Variants in CDKN1A observed in about 807,000 individuals in gnomAD.
The protein encoded by CDKN1A is cyclin-dependent kinase inhibitor 1.
CDKN1A carries 14 observed loss-of-function variants against 14.8 expected under a neutral mutation model. The ratio of observed to expected loss-of-function variants is 0.94; its 90% confidence interval spans 0.62 to 1.48. The LOEUF (loss-of-function observed/expected upper bound fraction) is 1.48, where lower values mean the gene tolerates loss of function less well. CDKN1A is among the 40% of genes most tolerant of loss of function. The pLI, the probability that CDKN1A is intolerant of heterozygous loss-of-function variation, is 0.00. For synonymous variants in CDKN1A, 92 were observed against 93.5 expected (o/e 0.98, Z 0.09); for missense variants, 203 against 231.7 (o/e 0.88, Z 0.80).
In CDKN1A at chr6:36,687,129, C is replaced by G; in HGVS notation, c.*1329C>G. ...GTACTTGGAGTATTGGGGTCTGACC[C>G]CAAACACCTTCCAGCTCCTGTAACA... On this transcript the variant is annotated 3_prime_UTR_variant, in exon 3 of 3. Transcript: ENST00000244741. 1 of 233,226 alleles carries G rather than the reference C, an allele frequency of 4.3e-6. No homozygotes were observed. Among genetic ancestry groups the G allele is most frequent in the Middle Eastern group, 1.3e-3 (1 of 788 alleles). The allele number at this position is 233,226 out of a possible 1,614,324, so 14.4% of individuals were successfully genotyped here. A position where few individuals can be genotyped will look rare whatever the true frequency, so the allele number is the denominator to read the frequency against.
rs1277652834 is a variant in CDKN1A at position 36,681,331 on chromosome 6, T to TC, written c.-6+2534dup. On this transcript the variant is annotated intron_variant, in intron 1 of 2. Transcript: ENST00000244741. ...TTCTTTCTTTCTTTCTTTCTTTCTT[T>TC]CTTTTTCTTTCTTTCTTTCTTTTTC... Among the ~76,000 whole-genome samples the TC allele has an allele frequency of 1.4e-3, 143 of 104,122 alleles. 1 individual carries two copies. Among genetic ancestry groups the TC allele is most frequent in the African/African-American group, 4.4e-3 (125 of 28,418 alleles). The allele number at this position is 104,122 out of a possible 152,430, so 68.3% of individuals were successfully genotyped here.
chr6:36,681,349 TC>T (rs1445091508), intron 1 of CDKN1A, among the ~76,000 whole-genome samples: 8 of 123,484 alleles, frequency 6.5e-5, no homozygotes, highest in African/African-American at 2.5e-4. Flanking sequence ...TTTCTTTCTT[TC>T]TTTTTCTTTC....
chr6:36,683,575 C>T lies in CDKN1A; in HGVS notation c.-5-522C>T, dbSNP rs372857494. ...CCGGGTGCTTTTTGCCCCAAAGTCC[C>T]GGGTACTTTTACTTGGCAGAGCAGG... On this transcript the variant is annotated intron_variant, in intron 1 of 2. Coordinates refer to ENST00000244741, the MANE Select transcript of CDKN1A (RefSeq NM_000389.5). 1.1e-4 allele frequency among the ~76,000 whole-genome samples: 17 copies of T among 152,298 alleles called. No homozygotes were observed. The East Asian group carries it at 1.2e-3, about 10-fold the overall frequency.
At chr6:36,681,408 C>T (rs200148482) in intron 1 of CDKN1A, among the ~76,000 whole-genome samples, 13,226 of 66,200 alleles carry the variant, frequency 0.2, 1,506 homozygotes, top group East Asian at 0.35. Context: ...TTTCTTTCTT[C>T]CTTTCTCTTT....
Position 36,686,347 on chromosome 6 carries a change from G to A in CDKN1A, c.*547G>A, listed in dbSNP as rs572991639. 8.6e-5 allele frequency: 24 copies of A among 278,430 alleles called. No individual in the cohort carries two copies. In the East Asian group the frequency reaches 1.3e-3, roughly 15 times the overall value. The allele number at this position is 278,430 out of a possible 1,614,324, so 17.2% of individuals were successfully genotyped here. On this transcript the variant is annotated 3_prime_UTR_variant, in exon 3 of 3. Transcript: ENST00000244741. This position sits in a 1 kb window ranked among gnomAD's most constrained non-coding sequence, Gnocchi z 4.9. ...CTCACCTCCTCTAAGGTTGGGCAGG[G>A]TGACCCTGAAGTGAGCACAGCCTAG...
upstream of CDKN1A, among the ~76,000 whole-genome samples, chr6:36,677,449 A>T (rs1024154742): frequency 1.3e-5 from 2 of 152,134 alleles, no homozygotes; most frequent in East Asian, 3.9e-4. Flanking sequence ...GTTCAGATGA[A>T]CAATCCATCC....
intron 1 of CDKN1A, among the ~76,000 whole-genome samples, chr6:36,681,334 T>TTCGTTCTTTCTC (rs780161958): frequency 1.2e-5 from 1 of 86,058 alleles, no homozygotes; most frequent in Non-Finnish European, 2.5e-5. Context: ...CTTTCTTTCT[T>TTCGTTCTTTCTC]TTTCTTTCTT....
intron 1 of CDKN1A, among the ~76,000 whole-genome samples, chr6:36,681,361 T>TTC (rs1761974871): frequency 5.4e-5 from 3 of 55,878 alleles, no homozygotes; most frequent in Admixed American, 2.1e-4. Flanking sequence ...TTTTTCTTTC[T>TTC]TTTCTTTCTT....
chr6:36,686,618 C>G lies in CDKN1A; in HGVS notation c.*818C>G, dbSNP rs1762216324. On this transcript the variant is annotated 3_prime_UTR_variant, in exon 3 of 3. Coordinates refer to ENST00000244741, the MANE Select transcript of CDKN1A (RefSeq NM_000389.5). The surrounding 1 kb of genome is among the most constrained non-coding windows in gnomAD (Gnocchi z 4.9). Reference sequence around the variant, plus strand: ...CAATTCCCCTCTGCTGCTGTCCCTCCCCCTTGTCCTTTCCCTTCAGTACCC... The same window carrying G: ...CAATTCCCCTCTGCTGCTGTCCCTCGCCCTTGTCCTTTCCCTTCAGTACCC... 1 of 233,972 alleles carries G rather than the reference C, an allele frequency of 4.3e-6. No homozygotes were observed. The highest frequency in any genetic ancestry group is 6.0e-5 in the East Asian group (1 of 16,616). The allele number at this position is 233,972 out of a possible 1,614,324, so 14.5% of individuals were successfully genotyped here.
intron 1 of CDKN1A, among the ~76,000 whole-genome samples, chr6:36,681,360 C>T (rs1447543829): frequency 1.2e-4 from 6 of 50,124 alleles, no homozygotes; most frequent in Admixed American, 2.4e-4. Context: ...CTTTTTCTTT[C>T]TTTTCTTTCT....
At chr6:36,679,011 A>C (rs3176320) in intron 1 of CDKN1A, 1 of 979,026 alleles carries the variant, frequency 1.0e-6, no homozygotes, top group Non-Finnish European at 1.2e-6. Context: ...GGGTGACGAG[A>C]GTCGGGATGT....
At chr6:36,677,838 T>C, upstream of CDKN1A, 1 of 1,360,158 alleles carries the variant, frequency 7.4e-7, no homozygotes, top group African/African-American at 1.4e-5. Context: ...ATACGGGCTA[T>C]GTGGGGAGTA....
rs11550973 is a variant in CDKN1A at position 36,687,187 on chromosome 6, A to G, written c.*1387A>G. 2,220 of 233,184 alleles carry G rather than the reference A, an allele frequency of 9.5e-3. 16 individuals carry two copies. Among genetic ancestry groups the G allele is most frequent in the Non-Finnish European group, 0.016 (1,848 of 118,076 alleles). 14.4% of individuals were successfully genotyped at this position (233,184 alleles called of 1,614,324 possible). A position where few individuals can be genotyped will look rare whatever the true frequency, so the allele number is the denominator to read the frequency against. Reference sequence around the variant, plus strand: ...CTGGACTGTTTTCTCTCGGCTCCCCATGTGTCCTGGTTCCCGTTTCTCCAC... The same window carrying G: ...CTGGACTGTTTTCTCTCGGCTCCCCGTGTGTCCTGGTTCCCGTTTCTCCAC... On this transcript the variant is annotated 3_prime_UTR_variant, in exon 3 of 3. Transcript: ENST00000244741.
chr6:36,681,361 TTTTCTTTCTTTCTTTCTTTC>T (rs377657015), intron 1 of CDKN1A, among the ~76,000 whole-genome samples: 1 of 55,876 alleles, frequency 1.8e-5, no homozygotes, highest in Non-Finnish European at 3.5e-5. Context: ...TTTTTCTTTC[TTTTCTTTCTTTCTTTCTTTC>T]TTTCTTTCTT....
At chr6:36,678,693 C>A (rs1304101473), upstream of CDKN1A, 1 of 985,306 alleles carries the variant, frequency 1.0e-6, no homozygotes, top group African/African-American at 1.7e-5. This position sits in a 1 kb window ranked among gnomAD's most constrained non-coding sequence, Gnocchi z 5.7. Flanking sequence ...TATATCAGGG[C>A]CGCGCTGAGC....
intron 1 of CDKN1A, among the ~76,000 whole-genome samples, chr6:36,681,278 T>TTCTTTCTTTC (rs1562037958): frequency 1.1e-5 from 1 of 92,456 alleles, no homozygotes; most frequent in Non-Finnish European, 2.3e-5. Context: ...CTTTCTTTCT[T>TTCTTTCTTTC]TTTTTCTTTC....
At position 36,678,833 on chromosome 6, in the gene CDKN1A, G is replaced by A. The variant is rs912094234; in HGVS notation, c.-6+35G>A. ...CGGCGGCAGACAACAGGGGACCCCG[G>A]GCCGGCGGCCCAGAGCCGAGCCAAG... is the stretch of plus-strand genomic sequence containing the variant. On this transcript the variant is annotated intron_variant, in intron 1 of 2. Transcript: ENST00000244741. This position sits in a 1 kb window ranked among gnomAD's most constrained non-coding sequence, Gnocchi z 5.7. 2 of 985,802 alleles carry A rather than the reference G, an allele frequency of 2.0e-6. No homozygotes were observed. Among genetic ancestry groups the A allele is most frequent in the Non-Finnish European group, 2.4e-6 (2 of 830,192 alleles). 61.1% of individuals were successfully genotyped at this position (985,802 alleles called of 1,614,324 possible).
In CDKN1A at chr6:36,687,110, G is replaced by A. The variant is rs1200644254; in HGVS notation, c.*1310G>A. The A allele has an allele frequency of 8.6e-6, 2 of 233,100 alleles. No homozygotes were observed. Among genetic ancestry groups the A allele is most frequent in the East Asian group, 1.2e-4 (2 of 16,590 alleles). 14.4% of individuals were successfully genotyped at this position (233,100 alleles called of 1,614,324 possible). A position where few individuals can be genotyped will look rare whatever the true frequency, so the allele number is the denominator to read the frequency against. On this transcript the variant is annotated 3_prime_UTR_variant, in exon 3 of 3. Coordinates refer to ENST00000244741, the MANE Select transcript of CDKN1A (RefSeq NM_000389.5). ...AGGCACTGAAGTGCTTAGTGTACTTGGAGTATTGGGGTCTGACCCCAAACA... is the reference window on the plus strand; with the variant it reads ...AGGCACTGAAGTGCTTAGTGTACTTAGAGTATTGGGGTCTGACCCCAAACA...
chr6:36,687,014 AG>A lies in CDKN1A; in HGVS notation c.*1217del. ...GATGGTGGCAGTAGAGGCTATGGAC[AG>A]GGCATGCCACGTGGGCTCATATGGG... On this transcript the variant is annotated 3_prime_UTR_variant, in exon 3 of 3. Transcript: ENST00000244741. 4.3e-6 allele frequency: 1 copy of A among 233,564 alleles called. No homozygotes were observed. Among genetic ancestry groups the A allele is most frequent in the South Asian group, 1.8e-4 (1 of 5,532 alleles). The allele number at this position is 233,564 out of a possible 1,614,324, so 14.5% of individuals were successfully genotyped here.
Sources: gnomAD v4.1 joint callset for allele counts (sites outside exome capture counted in the v4.1 genomes callset) on GRCh38, gnomAD v4.1.1 for gene constraint, Gnocchi (gnomAD v3.1) non-coding constraint, MANE v1.5 for transcripts, NCBI Gene and HGNC (gene_info 2026-07-23, HGNC 2026-07-21) for gene names.